Variants in ITPR2 observed in about 807,000 individuals in gnomAD.
ITPR2 encodes the protein inositol 1,4,5-trisphosphate receptor type 2.
Under a neutral mutation model 317.1 loss-of-function variants are expected in ITPR2, and 207 were observed. The observed-to-expected ratio is 0.65, with a 90% CI of 0.58 to 0.73. The LOEUF (loss-of-function observed/expected upper bound fraction) is 0.73. Among genes scored for constraint, ITPR2 ranks in the 30% least tolerant of loss-of-function variants. The probability of loss-of-function intolerance (pLI) is 0.00; values close to 1 mark genes in which losing one functional copy is unlikely to be tolerated. For synonymous variants in ITPR2, 1,156 were observed against 1,149.1 expected (o/e 1.01, Z -0.12); for missense variants, 2,613 against 3,284.0 (o/e 0.80, Z 4.99).
chr12:26,820,184 T>C (rs574901235), intron 1 of ITPR2, among the ~76,000 whole-genome samples: 4 of 152,178 alleles, frequency 2.6e-5, no homozygotes, highest in Admixed American at 6.5e-5. Context: ...AGACTGATGA[T>C]GGCAAGATTT....
intron 1 of ITPR2, among the ~76,000 whole-genome samples, chr12:26,823,943 G>A (rs1950975724): frequency 6.6e-6 from 1 of 152,158 alleles, no homozygotes; most frequent in African/African-American, 2.4e-5. Context: ...AGTCAGCCAT[G>A]CTAAAATGCA....
At chr12:26,812,295 C>T (rs1316716399) in intron 1 of ITPR2, among the ~76,000 whole-genome samples, 2 of 151,918 alleles carry the variant, frequency 1.3e-5, no homozygotes, top group Non-Finnish European at 2.9e-5. Flanking sequence ...AAACCTAATA[C>T]GGCCGGATGC....
intron 39 of ITPR2, among the ~76,000 whole-genome samples, chr12:26,493,742 T>C (rs1225616472): frequency 6.6e-6 from 1 of 152,152 alleles, no homozygotes; most frequent in Non-Finnish European, 1.5e-5. Context: ...TGGAGGACAA[T>C]GTCTGTCATC....
At chr12:26,503,033 T>C (rs1189129587) in intron 37 of ITPR2, among the ~76,000 whole-genome samples, 3 of 152,144 alleles carry the variant, frequency 2.0e-5, no homozygotes, top group Non-Finnish European at 2.9e-5. Context: ...TGGAGTTTCT[T>C]GCATTCTCAA....
At chr12:26,684,262 T>C (rs1948086665) in intron 11 of ITPR2, among the ~76,000 whole-genome samples, 2 of 152,204 alleles carry the variant, frequency 1.3e-5, no homozygotes. Flanking sequence ...CCATAAAGTC[T>C]GAGAAACACT....
intron 2 of ITPR2, among the ~76,000 whole-genome samples, chr12:26,743,395 TTACATTTAA>T (rs1228443172): frequency 3.4e-4 from 52 of 152,312 alleles, no homozygotes; most frequent in Middle Eastern, 3.4e-3. Context: ...TTTATCAAGC[TTACATTTAA>T]TACATTTGAG....
At chr12:26,649,590 ATT>A (rs1947194813) in intron 21 of ITPR2, 1 of 152,096 alleles carries the variant, frequency 6.6e-6, no homozygotes, top group Admixed American at 6.6e-5. Flanking sequence ...CCACATAGAT[ATT>A]CTCTATTCTC....
At chr12:26,719,756 TC>T (rs1948802300) in intron 5 of ITPR2, among the ~76,000 whole-genome samples, 1 of 152,104 alleles carries the variant, frequency 6.6e-6, no homozygotes, top group African/African-American at 2.4e-5. Flanking sequence ...CTCCCCGCTC[TC>T]CCCACCCCAC....
intron 41 of ITPR2, 48 bp from the exon 42 acceptor site, chr12:26,483,946 G>A (rs781279396): frequency 6.0e-6 from 9 of 1,492,930 alleles, no homozygotes; most frequent in East Asian, 4.5e-5. Flanking sequence ...AATTCACTGT[G>A]CTGATTGTTT....
chr12:26,487,142 A>T lies in ITPR2; in HGVS notation c.5480T>A (p.Val1827Asp). 1 of 1,613,504 alleles carries T rather than the reference A, an allele frequency of 6.2e-7. No homozygotes were observed. Among genetic ancestry groups the T allele is most frequent in the Non-Finnish European group, 8.5e-7 (1 of 1,179,598 alleles). Residue 1827 changes from valine to aspartate, a missense_variant, in exon 40 of 57, where the codon GTT becomes GAT. By Grantham distance (152) the Val-to-Asp change is radical (BLOSUM62 -3). Coordinates refer to ENST00000381340, the MANE Select transcript of ITPR2 (RefSeq NM_002223.4). ...AQKEIRSTVT[V>D]NTIDLGNKKR... ...TTTGTTACCTAAATCTATGGTATTA[A>T]CTGTCACTGTTGATCTTATTTCTTT...
intron 41 of ITPR2, 124 bp downstream of exon 41, chr12:26,485,980 A>G (rs938965614): frequency 1.4e-5 from 14 of 1,008,544 alleles, no homozygotes; most frequent in African/African-American, 1.3e-4. Flanking sequence ...TCAGAGGAGC[A>G]CTATTGCTTT....
chr12:26,377,142 C>A (rs1565494812), intron 55 of ITPR2, among the ~76,000 whole-genome samples: 1 of 152,202 alleles, frequency 6.6e-6, no homozygotes, highest in East Asian at 1.9e-4. Context: ...GACATACCTA[C>A]CTGCTCCCTC....
chr12:26,716,532 T>C (rs964319793), intron 5 of ITPR2, among the ~76,000 whole-genome samples: 4 of 152,120 alleles, frequency 2.6e-5, no homozygotes, highest in African/African-American at 9.7e-5. Flanking sequence ...AGTCAATAAA[T>C]AGGCCATTAT....
chr12:26,709,681 G>A (rs1310155474), intron 9 of ITPR2, among the ~76,000 whole-genome samples: 2 of 152,086 alleles, frequency 1.3e-5, no homozygotes, highest in Non-Finnish European at 2.9e-5. Context: ...AAGTGAACAG[G>A]GGAAAAGAGC....
At chr12:26,454,191 T>G (rs990181665) in intron 45 of ITPR2, among the ~76,000 whole-genome samples, 1 of 152,130 alleles carries the variant, frequency 6.6e-6, no homozygotes, top group African/African-American at 2.4e-5. Flanking sequence ...AAATGTGGTG[T>G]TTTTTGTTTG....
chr12:26,449,921 G>A (rs1199947045), intron 45 of ITPR2, among the ~76,000 whole-genome samples: 1 of 152,158 alleles, frequency 6.6e-6, no homozygotes, highest in Non-Finnish European at 1.5e-5. Context: ...TCAGAAACAG[G>A]AATTTGCAGA....
At chr12:26,688,616 G>C (rs956589122) in intron 10 of ITPR2, among the ~76,000 whole-genome samples, 2 of 152,116 alleles carry the variant, frequency 1.3e-5, no homozygotes, top group Admixed American at 6.6e-5. Flanking sequence ...GAGAACAAGA[G>C]GGGAGCAGTA....
In ITPR2 at chr12:26,487,134, T is replaced by C. The variant is rs756645126; in HGVS notation, c.5488A>G (p.Ile1830Val). ...EIRSTVTVNT[I>V]DLGNKKRDDD... is the part of the protein sequence containing the mutation. ...TCCCTTTTTTTGTTACCTAAATCTA[T>C]GGTATTAACTGTCACTGTTGATCTT... The change falls in exon 40 of 57, where the codon ATA (isoleucine) becomes GTA (valine). Residue 1830 changes from isoleucine to valine, a missense_variant. By Grantham distance (29) the Ile-to-Val change is conservative. Transcript: ENST00000381340. 3.1e-6 allele frequency: 5 copies of C among 1,613,088 alleles called. No homozygotes were observed. Among genetic ancestry groups the C allele is most frequent in the East Asian group, 2.2e-5 (1 of 44,866 alleles).
intron 1 of ITPR2, among the ~76,000 whole-genome samples, chr12:26,821,335 G>A (rs1592160756): frequency 6.6e-6 from 1 of 152,140 alleles, no homozygotes; most frequent in Non-Finnish European, 1.5e-5. Flanking sequence ...GCCACTTGCC[G>A]TCATGGATAT....
Sources: gnomAD v4.1 joint callset for allele counts (sites outside exome capture counted in the v4.1 genomes callset) on GRCh38, gnomAD v4.1.1 for gene constraint, MANE v1.5 for transcripts, NCBI Gene and HGNC (gene_info 2026-07-23, HGNC 2026-07-21) for gene names.